The following KLHL6 variants were observed in gnomAD, a reference collection of about 807,000 sequenced individuals.
KLHL6 encodes kelch like family member 6.
KLHL6 carries 41 observed loss-of-function variants against 58.6 expected under a neutral mutation model. The ratio of observed to expected loss-of-function variants is 0.70; its 90% CI spans 0.55 to 0.91. The LOEUF is 0.91. Among genes scored for constraint, KLHL6 ranks in the 40% least tolerant of loss-of-function variants. The pLI is 0.00. For synonymous variants in KLHL6, 338 were observed against 322.7 expected, an observed-to-expected ratio of 1.05 and a Z score of -0.51; for missense variants, 714 against 805.6, an observed-to-expected ratio of 0.89 and a Z score of 1.38.
Position 183,492,140 on chromosome 3 carries a change from G to T in KLHL6, c.1653C>A (p.Cys551Ter). ...GCCGGTTGTTGCAGGGCGCGATACCGCAGCTGGCCCGCTCGTGGCTGAGCT... is the reference window on the plus strand; with the variant it reads ...GCCGGTTGTTGCAGGGCGCGATACCTCAGCTGGCCCGCTCGTGGCTGAGCT... The part of the protein sequence containing the change: ...VTQLSHERAS[C>*]GIAPCNNRLY... Residue 551 changes from cysteine to a stop codon, truncating the protein, a stop_gained, in exon 7 of 7, where the codon TGC becomes TGA. Coordinates refer to ENST00000341319, the MANE Select transcript of KLHL6 (RefSeq NM_130446.4). LOFTEE classifies it high-confidence loss of function. The surrounding 1 kb of genome is among the most constrained non-coding windows in gnomAD (Gnocchi z 5.9). 1 of 1,613,632 alleles carries T rather than the reference G, an allele frequency of 6.2e-7. No individual in the cohort carries two copies. The highest frequency in any genetic ancestry group is 8.5e-7 in the Non-Finnish European group (1 of 1,180,010).
chr3:183,524,321 G>A lies in KLHL6; in HGVS notation c.459+3524C>T, dbSNP rs116346015. 9.6e-3 allele frequency among the ~76,000 whole-genome samples: 1,464 copies of A among 152,180 alleles called. 39 individuals carry two copies. The highest frequency in any genetic ancestry group is 0.033 in the African/African-American group (1,378 of 41,460). ...TGGCATTCATTTCAAAGATCCCACC[G>A]CATGTGAGAACAGGTCCCTTAGGCC... On this transcript the variant is annotated intron_variant, in intron 2 of 6. Transcript: ENST00000341319.
chr3:183,531,005 T>A (rs977597519), intron 1 of KLHL6, among the ~76,000 whole-genome samples: 4 of 151,984 alleles, frequency 2.6e-5, no homozygotes, highest in Non-Finnish European at 4.4e-5. Flanking sequence ...CTAATTTTTG[T>A]ATTTTTAGTA....
intron 1 of KLHL6, among the ~76,000 whole-genome samples, chr3:183,548,558 G>A (rs1257476315): frequency 2.0e-5 from 3 of 152,204 alleles, no homozygotes; most frequent in Admixed American, 6.5e-5. Context: ...TTACCCGCCA[G>A]CTACAAAAAT....
At chr3:183,502,714 T>G (rs1237757423) in intron 3 of KLHL6, among the ~76,000 whole-genome samples, 1 of 152,148 alleles carries the variant, frequency 6.6e-6, no homozygotes, top group African/African-American at 2.4e-5. Context: ...AACTTTGAGA[T>G]TACTGCAGCC....
intron 1 of KLHL6, among the ~76,000 whole-genome samples, chr3:183,548,329 A>C (rs1712795366): frequency 6.6e-6 from 1 of 152,042 alleles, no homozygotes; most frequent in African/African-American, 2.4e-5. Flanking sequence ...GAGGGAGGGG[A>C]GTCCTAGTGA....
At chr3:183,522,124 G>A (rs1711784694) in intron 2 of KLHL6, among the ~76,000 whole-genome samples, 1 of 150,748 alleles carries the variant, frequency 6.6e-6, no homozygotes, top group Non-Finnish European at 1.5e-5. Flanking sequence ...TCAGGAGTTC[G>A]AGACCAGCCT....
intron 1 of KLHL6, among the ~76,000 whole-genome samples, chr3:183,536,096 A>C (rs894323391): frequency 1.3e-5 from 2 of 152,170 alleles, no homozygotes; most frequent in African/African-American, 4.8e-5. Context: ...TTGGAATCAC[A>C]GTCACTTAAT....
At chr3:183,548,106 G>C (rs761709280) in intron 1 of KLHL6, among the ~76,000 whole-genome samples, 15 of 152,144 alleles carry the variant, frequency 9.9e-5, no homozygotes, top group Non-Finnish European at 2.1e-4. Context: ...ACATCAGTCT[G>C]GATCAAAGGG....
intron 1 of KLHL6, among the ~76,000 whole-genome samples, chr3:183,542,898 G>A (rs556385821): frequency 9.5e-4 from 144 of 151,646 alleles, no homozygotes; most frequent in African/African-American, 3.3e-3. Context: ...ATGGATGGAT[G>A]GATGGACAGA....
chr3:183,499,441 C>T lies in KLHL6; in HGVS notation c.1147+149G>A. ...CAATGTACTCTCCAAGATAAGACCA[C>T]CTGAGCTCCTGGGTCCATATCCTGT... On this transcript the variant is annotated intron_variant, in intron 4 of 6. Transcript: ENST00000341319. This position sits in a 1 kb window ranked among gnomAD's most constrained non-coding sequence, Gnocchi z 4.6. 8.3e-6 allele frequency: 5 copies of T among 603,670 alleles called. 1 individual carries two copies. The South Asian group carries it at 1.2e-4, about 14-fold the overall frequency. The allele number at this position is 603,670 out of a possible 1,614,324, so 37.4% of individuals were successfully genotyped here.
intron 4 of KLHL6, among the ~76,000 whole-genome samples, chr3:183,498,041 C>T (rs1413984416): frequency 6.6e-6 from 1 of 152,082 alleles, no homozygotes; most frequent in African/African-American, 2.4e-5. Flanking sequence ...CAAGACCAGC[C>T]TGACCAACAC....
chr3:183,521,981 C>G lies in KLHL6; in HGVS notation c.459+5864G>C, dbSNP rs184436825. On this transcript the variant is annotated intron_variant, in intron 2 of 6. Coordinates refer to ENST00000341319, the MANE Select transcript of KLHL6 (RefSeq NM_130446.4). The stretch of plus-strand genomic sequence containing the variant: ...AAGTGCTGGGATTACAGGCGTGAGC[C>G]ACCGTGCCTGGCTAGACTTACATGA... 3.9e-3 allele frequency among the ~76,000 whole-genome samples: 589 copies of G among 149,580 alleles called. 2 individuals are homozygous for G. The highest frequency in any genetic ancestry group is 0.014 in the African/African-American group (572 of 40,922).
chr3:183,546,803 G>A (rs1324602753), intron 1 of KLHL6, among the ~76,000 whole-genome samples: 2 of 151,916 alleles, frequency 1.3e-5, no homozygotes, highest in Admixed American at 6.6e-5. Context: ...TGTTAGCCTC[G>A]CTCTATTGTA....
intron 4 of KLHL6, among the ~76,000 whole-genome samples, chr3:183,496,955 T>G (rs1717728525): frequency 6.6e-6 from 1 of 152,058 alleles, no homozygotes; most frequent in African/African-American, 2.4e-5. Context: ...CTGGCCAACA[T>G]GGTGAAACCC....
In KLHL6 at chr3:183,508,480, C is replaced by G. The variant is rs1718084734; in HGVS notation, c.488G>C (p.Ser163Thr). ...QFLRMVDACA[S>T]FLTEALNPEN... ...TGGGTTCAAGGCTTCAGTGAGGAAG[C>G]TGGCACAGGCATCCACCATCCGCAG... The change falls in exon 3 of 7, where the codon AGC (serine) becomes ACC (threonine). Residue 163 changes from serine (S) to threonine (T), a missense_variant. By Grantham distance (58) the Ser-to-Thr change is moderately conservative. This residue lies in a region of KLHL6 where 510 missense variants were observed against 629.7 expected (regional missense o/e 0.81). Transcript: ENST00000341319. 3.7e-6 allele frequency: 6 copies of G among 1,613,836 alleles called. No individual in the cohort carries two copies. The African/African-American group carries it at 8.0e-5, about 22-fold the overall frequency.
intron 1 of KLHL6, among the ~76,000 whole-genome samples, chr3:183,531,692 C>T (rs994341465): frequency 1.3e-5 from 2 of 151,826 alleles, no homozygotes; most frequent in South Asian, 2.1e-4. Context: ...GTGATCTGCC[C>T]GCCTCTGCCT....
At chr3:183,516,888 AG>A (rs1156843557) in intron 2 of KLHL6, among the ~76,000 whole-genome samples, 4 of 152,008 alleles carry the variant, frequency 2.6e-5, no homozygotes, top group Non-Finnish European at 5.9e-5. Flanking sequence ...TTTATTTCAA[AG>A]TATTTCTGAA....
chr3:183,492,352 G>C lies in KLHL6; in HGVS notation c.1565-124C>G. On this transcript the variant is annotated intron_variant, in intron 6 of 6. Coordinates refer to ENST00000341319, the MANE Select transcript of KLHL6 (RefSeq NM_130446.4). This position sits in a 1 kb window ranked among gnomAD's most constrained non-coding sequence, Gnocchi z 5.9. ...CTCTTGCCAAGAGAAACAGTCGATTGATGGCTCTCCTGAAAGCCAGAGTGG... is the reference window on the plus strand; with the variant it reads ...CTCTTGCCAAGAGAAACAGTCGATTCATGGCTCTCCTGAAAGCCAGAGTGG... The C allele has an allele frequency of 7.7e-7, 1 of 1,300,962 alleles. No homozygotes were observed. Among genetic ancestry groups the C allele is most frequent in the African/African-American group, 1.5e-5 (1 of 67,832 alleles). The allele number at this position is 1,300,962 out of a possible 1,614,324, so 80.6% of individuals were successfully genotyped here.
At chr3:183,502,241 G>A (rs1344350062) in intron 3 of KLHL6, among the ~76,000 whole-genome samples, 2 of 151,958 alleles carry the variant, frequency 1.3e-5, no homozygotes, top group East Asian at 3.9e-4. Flanking sequence ...GGCAGAGGGT[G>A]CAGTGAGCCA....
Sources: allele counts gnomAD v4.1 joint callset (sites outside exome capture counted in the v4.1 genomes callset), GRCh38; gene constraint gnomAD v4.1.1; regional missense constraint gnomAD v4.1.1; non-coding constraint Gnocchi (gnomAD v3.1); transcripts MANE v1.5; gene names NCBI Gene and HGNC (gene_info 2026-07-23, HGNC 2026-07-21).